SLC9A4: variants seen among roughly 807,000 people sequenced by gnomAD.
SLC9A4 encodes the protein sodium/hydrogen exchanger 4.
A neutral mutation model predicts 67.4 loss-of-function variants in SLC9A4; 63 were observed. That is an observed-to-expected ratio of 0.93 (90% CI 0.76 to 1.15). The LOEUF (loss-of-function observed/expected upper bound fraction) is 1.15. Ranked by LOEUF, SLC9A4 falls within the 50% of genes most tolerant of loss-of-function variation. SLC9A4 has a pLI of 0.00. For synonymous variants in SLC9A4, 393 were observed against 367.2 expected (o/e 1.07, Z -0.80); for missense variants, 1,089 against 987.7 (o/e 1.10, Z -1.38).
Position 102,532,530 on chromosome 2 carries a change from C to A in SLC9A4, c.2239C>A (p.Pro747Thr). 6.2e-7 allele frequency: 1 copy of A among 1,614,046 alleles called. No homozygotes were observed. Among genetic ancestry groups the A allele is most frequent in the Non-Finnish European group, 8.5e-7 (1 of 1,179,982 alleles). The change falls in exon 12 of 12, where the codon CCC becomes ACC. Residue 747 changes from proline (P) to threonine (T), a missense_variant. By Grantham distance (38) the Pro-to-Thr change is conservative (BLOSUM62 -1). Transcript: ENST00000295269. Reference protein sequence around the residue: ...LGGVRRVALRPKPLFHAVDEE... With the variant: ...LGGVRRVALRTKPLFHAVDEE... ...TGGAGTAAGGAGGGTGGCCTTAAGA[C>A]CCAAACCTCTGTTTCATGCAGTGGA...
intron 2 of SLC9A4, among the ~76,000 whole-genome samples, chr2:102,499,382 T>C (rs997023357): frequency 2.2e-4 from 34 of 152,230 alleles, no homozygotes; most frequent in African/African-American, 8.0e-4. Context: ...TGTGGGGGTT[T>C]CCCTTTGCTC....
chr2:102,519,772 G>T, intron 8 of SLC9A4, 87 bp from the exon 9 acceptor site: 1 of 1,279,890 alleles, frequency 7.8e-7, no homozygotes, highest in Non-Finnish European at 1.1e-6. Flanking sequence ...ATTCCCCTCA[G>T]TACAGAGCAA....
At chr2:102,518,828 A>G (rs1270792719) in intron 8 of SLC9A4, among the ~76,000 whole-genome samples, 1 of 152,206 alleles carries the variant, frequency 6.6e-6, no homozygotes, top group Non-Finnish European at 1.5e-5. Context: ...CAGTGCCCTT[A>G]TGCGTTCAAA....
chr2:102,501,774 A>G (rs1045143108), intron 2 of SLC9A4, among the ~76,000 whole-genome samples: 3 of 151,786 alleles, frequency 2.0e-5, no homozygotes, highest in Non-Finnish European at 4.4e-5. Flanking sequence ...GTCAGACCAC[A>G]CCCAAGATCA....
chr2:102,491,642 A>G (rs917234939), intron 2 of SLC9A4, among the ~76,000 whole-genome samples: 20 of 152,272 alleles, frequency 1.3e-4, no homozygotes, highest in East Asian at 1.2e-3. Flanking sequence ...AGTAGGGATT[A>G]TGCGAGCTAC....
intron 9 of SLC9A4, 101 bp from the exon 10 acceptor site, chr2:102,524,923 C>T: frequency 7.0e-7 from 1 of 1,422,480 alleles, no homozygotes; most frequent in South Asian, 1.3e-5. Flanking sequence ...AAGGTGCTCA[C>T]CTGTTCTCCT....
At chr2:102,512,400 C>A in intron 7 of SLC9A4, 127 bp downstream of exon 7, 1 of 963,072 alleles carries the variant, frequency 1.0e-6, no homozygotes, top group Non-Finnish European at 1.6e-6. Context: ...CCATCCCCTA[C>A]AGGAAGTGGT....
chr2:102,502,174 T>C (rs576342616), intron 2 of SLC9A4, among the ~76,000 whole-genome samples: 1 of 152,324 alleles, frequency 6.6e-6, no homozygotes, highest in African/African-American at 2.4e-5. Flanking sequence ...GCAGAGATCT[T>C]CGTTCAGCTC....
intron 5 of SLC9A4, among the ~76,000 whole-genome samples, chr2:102,508,569 G>T (rs1685096130): frequency 6.6e-6 from 1 of 152,162 alleles, no homozygotes; most frequent in South Asian, 2.1e-4. Context: ...CGTAGCACAA[G>T]TTTTTGTTTT....
chr2:102,532,409 G>A lies in SLC9A4; in HGVS notation c.2118G>A (p.Glu706=), dbSNP rs59687519. Residue 706 remains glutamate (E), a synonymous_variant, in exon 12 of 12, where the codon GAG becomes GAA. Transcript: ENST00000295269. The part of the protein sequence containing the change: ...CSRIGSLQKQ[E]AQEIIPMKSL... Reference sequence around the variant, plus strand: ...GGATAGGGTCACTTCAGAAGCAAGAGGCACAAGAAATAATACCAATGAAGA... The same window carrying A: ...GGATAGGGTCACTTCAGAAGCAAGAAGCACAAGAAATAATACCAATGAAGA... 3.0e-3 allele frequency: 4,821 copies of A among 1,614,140 alleles called. 150 individuals carry two copies. In the African/African-American group the frequency reaches 0.057, roughly 19 times the overall value.
chr2:102,497,811 T>C (rs1397514528), intron 2 of SLC9A4, among the ~76,000 whole-genome samples: 1 of 152,160 alleles, frequency 6.6e-6, no homozygotes, highest in East Asian at 1.9e-4. Context: ...TTACCATATG[T>C]AAGTCTTTCC....
chr2:102,518,859 G>C (rs1347712465), intron 8 of SLC9A4, among the ~76,000 whole-genome samples: 1 of 152,038 alleles, frequency 6.6e-6, no homozygotes, highest in Non-Finnish European at 1.5e-5. Flanking sequence ...GCTGAGGCTA[G>C]AAACAAACAA....
Position 102,479,256 on chromosome 2 carries a change from A to T in SLC9A4, c.674A>T (p.Tyr225Phe). The T allele has an allele frequency of 6.2e-7, 1 of 1,613,936 alleles. No homozygotes were observed. The highest frequency in any genetic ancestry group is 8.5e-7 in the Non-Finnish European group (1 of 1,179,944). ...GAAGCGCGCGTGAACGAGCAGCTCT[A>T]CATGATGATCTTTGGGGAGGCCCTG... is the stretch of plus-strand genomic sequence containing the variant. ...FEEARVNEQL[Y>F]MMIFGEALLN... is the part of the protein sequence containing the mutation. The change falls in exon 2 of 12, where the codon TAC (tyrosine) becomes TTC (phenylalanine). Residue 225 changes from tyrosine to phenylalanine, a missense_variant. Tyr to Phe is a conservative substitution (Grantham distance 22). Transcript: ENST00000295269.
chr2:102,474,232 G>A (rs548807656), intron 1 of SLC9A4, among the ~76,000 whole-genome samples: 2 of 152,232 alleles, frequency 1.3e-5, no homozygotes, highest in East Asian at 3.9e-4. Flanking sequence ...ATACTTCTGG[G>A]TACTGGGCTG....
chr2:102,528,197 G>A (rs369253989), intron 11 of SLC9A4, among the ~76,000 whole-genome samples: 3 of 151,896 alleles, frequency 2.0e-5, no homozygotes, highest in South Asian at 2.1e-4. Flanking sequence ...CAGTGGAGAC[G>A]GGGTTTCACC....
At chr2:102,480,926 G>T (rs1684448736) in intron 2 of SLC9A4, among the ~76,000 whole-genome samples, 1 of 152,210 alleles carries the variant, frequency 6.6e-6, no homozygotes, top group Non-Finnish European at 1.5e-5. Context: ...ACCAGGAGCT[G>T]TGGGAGGCAG....
chr2:102,522,689 C>T (rs916759085), intron 9 of SLC9A4, among the ~76,000 whole-genome samples: 3 of 152,140 alleles, frequency 2.0e-5, no homozygotes, highest in African/African-American at 7.2e-5. Context: ...AAGTTTGTCT[C>T]TATATTCTTA....
chr2:102,520,542 A>AAAT (rs1402515802), intron 9 of SLC9A4, among the ~76,000 whole-genome samples: 1 of 152,224 alleles, frequency 6.6e-6, no homozygotes, highest in East Asian at 1.9e-4. Flanking sequence ...TGACTTAGTT[A>AAAT]AATAATATTC....
At chr2:102,475,815 T>A (rs916982704) in intron 1 of SLC9A4, among the ~76,000 whole-genome samples, 7 of 152,216 alleles carry the variant, frequency 4.6e-5, no homozygotes, top group Non-Finnish European at 1.0e-4. Flanking sequence ...TAGTTTTATG[T>A]ATAAGGGCTT....
Sources: allele counts gnomAD v4.1 joint callset (sites outside exome capture counted in the v4.1 genomes callset), GRCh38; gene constraint gnomAD v4.1.1; transcripts MANE v1.5; gene names NCBI Gene and HGNC (gene_info 2026-07-23, HGNC 2026-07-21).